Variants in CYFIP1 observed in about 807,000 individuals in gnomAD.
The protein encoded by CYFIP1 is cytoplasmic FMR1-interacting protein 1.
A neutral mutation model predicts 163.5 loss-of-function variants in CYFIP1; 58 were observed. The ratio of observed to expected loss-of-function variants is 0.35; its 90% CI spans 0.29 to 0.44. The LOEUF (loss-of-function observed/expected upper bound fraction) is 0.44, where lower values mean the gene tolerates loss of function less well. Among genes scored for constraint, CYFIP1 ranks in the 20% least tolerant of loss-of-function variants. The pLI is 1.00. For synonymous variants in CYFIP1, 663 were observed against 660.7 expected, an observed-to-expected ratio of 1.00 and a Z score of -0.05; for missense variants, 1,338 against 1,653.8, an observed-to-expected ratio of 0.81 and a Z score of 3.31.
upstream of CYFIP1, among the ~76,000 whole-genome samples, chr15:22,980,840 T>A (rs999909022): frequency 9.9e-5 from 15 of 151,494 alleles, no homozygotes; most frequent in Non-Finnish European, 1.0e-4. Flanking sequence ...CAGCTGCAGG[T>A]CGGCGCGCAG....
chr15:22,957,950 T>C (rs1736839764), intron 1 of CYFIP1, among the ~76,000 whole-genome samples: 2 of 152,232 alleles, frequency 1.3e-5, no homozygotes, highest in African/African-American at 4.8e-5. Flanking sequence ...CGCGCCAGCA[T>C]GGCTGCAGCT....
chr15:22,917,022 A>G lies in CYFIP1; in HGVS notation c.1675-392T>C. ...CAAGGACTCGGCCATGGTGCGCACC[A>G]GGTAGAGCTAGACACGGACAGACAG... On this transcript the variant is annotated intron_variant, in intron 15 of 30. Coordinates refer to ENST00000617928, the MANE Select transcript of CYFIP1 (RefSeq NM_014608.6). This position sits in a 1 kb window ranked among gnomAD's most constrained non-coding sequence, Gnocchi z 4.2. 1 of 1,544,608 alleles carries G rather than the reference A, an allele frequency of 6.5e-7. No individual in the cohort carries two copies. Among genetic ancestry groups the G allele is most frequent in the Non-Finnish European group, 8.7e-7 (1 of 1,143,848 alleles).
rs550706105 is a variant in CYFIP1, at chr15:22,885,608, C to T, written c.2677-2597G>A. 3.6e-4 allele frequency among the ~76,000 whole-genome samples: 55 copies of T among 152,258 alleles called. No homozygotes were observed. In the South Asian group the frequency reaches 1.0e-2, roughly 28 times the overall value. ...ATTAACTGGGCATGGTGGTGGGCAC[C>T]TGTAATCCCAGCTACTTGGGAGGCT... On this transcript the variant is annotated intron_variant, in intron 23 of 30. Transcript: ENST00000617928.
rs1422676661 is a variant in CYFIP1, at chr15:22,868,895, A to ATTC, written c.*1130_*1132dup. On this transcript the variant is annotated 3_prime_UTR_variant, in exon 31 of 31. Coordinates refer to ENST00000617928, the MANE Select transcript of CYFIP1 (RefSeq NM_014608.6). ...TGCTGGACTTGTGTTTATCTGTAGTATTCATCTACAATAAACAGGCATAGC... is the reference window on the plus strand; with the variant it reads ...TGCTGGACTTGTGTTTATCTGTAGTATTCTTCATCTACAATAAACAGGCATAGC... The ATTC allele has an allele frequency of 6.7e-6, 1 of 149,936 alleles. No homozygotes were observed. Among genetic ancestry groups the ATTC allele is most frequent in the Non-Finnish European group, 1.5e-5 (1 of 67,718 alleles). 9.3% of individuals were successfully genotyped at this position (149,936 alleles called of 1,614,324 possible). A position where few individuals can be genotyped will look rare whatever the true frequency, so the allele number is the denominator to read the frequency against.
chr15:22,875,184 G>C lies in CYFIP1; in HGVS notation c.3115+15C>G, dbSNP rs1352072342. On this transcript the variant is annotated intron_variant, in intron 27 of 30. Transcript: ENST00000617928. Reference sequence around the variant, plus strand: ...AGGGCAGTCTGGACTCCCTGGTGGGGGTCAGCAGGCTCACCTTTCACATGG... The same window carrying C: ...AGGGCAGTCTGGACTCCCTGGTGGGCGTCAGCAGGCTCACCTTTCACATGG... 3 of 1,613,308 alleles carry C rather than the reference G, an allele frequency of 1.9e-6. No individual in the cohort carries two copies. The highest frequency in any genetic ancestry group is 2.5e-6 in the Non-Finnish European group (3 of 1,179,506).
rs1270761626 is a variant in CYFIP1 at position 22,867,133 on chromosome 15, T to TAA, written c.*2893_*2894dup. ...AAGCCGAATGCACTAATGACAGTTT[T>TAA]AAGTCTATGAAAATGCTTTATTTTT... On this transcript the variant is annotated 3_prime_UTR_variant, in exon 31 of 31. Transcript: ENST00000617928. 20 of 466,004 alleles carry TAA rather than the reference T, an allele frequency of 4.3e-5. 1 individual carries two copies. Among genetic ancestry groups the TAA allele is most frequent in the Admixed American group, 4.2e-4 (11 of 26,238 alleles). 28.9% of individuals were successfully genotyped at this position (466,004 alleles called of 1,614,324 possible).
Position 22,959,773 on chromosome 15 carries a change from C to A in CYFIP1, c.-6-12482G>T, listed in dbSNP as rs564652102. Among the ~76,000 whole-genome samples the A allele has an allele frequency of 1.3e-4, 20 of 152,256 alleles. No homozygotes were observed. In the South Asian group the frequency reaches 4.1e-3, roughly 32 times the overall value. On this transcript the variant is annotated intron_variant, in intron 1 of 30. Transcript: ENST00000617928. ...CTGAGGAACAGGCGCCACGGGCGAT[C>A]GAGCCCCGTGCTCCCCCTCCCCACC...
At chr15:22,887,624 C>T (rs1346322312) in intron 23 of CYFIP1, among the ~76,000 whole-genome samples, 1 of 152,200 alleles carries the variant, frequency 6.6e-6, no homozygotes, top group Non-Finnish European at 1.5e-5. Context: ...CCTCTGGCCC[C>T]CTGCCCAGTG....
At chr15:22,895,497 C>G (rs901617845) in intron 22 of CYFIP1, among the ~76,000 whole-genome samples, 1 of 152,172 alleles carries the variant, frequency 6.6e-6, no homozygotes, top group Non-Finnish European at 1.5e-5. Context: ...CTTGATTTAT[C>G]AAGTTTAGAT....
chr15:22,970,649 CCAAA>C (rs1179232140), intron 1 of CYFIP1, among the ~76,000 whole-genome samples: 6 of 152,040 alleles, frequency 3.9e-5, no homozygotes, highest in Non-Finnish European at 5.9e-5. Flanking sequence ...ACATATGTGG[CCAAA>C]CAATTTTCAA....
At chr15:22,906,893 C>T (rs1051640839) in intron 21 of CYFIP1, among the ~76,000 whole-genome samples, 5 of 152,118 alleles carry the variant, frequency 3.3e-5, no homozygotes, top group Non-Finnish European at 7.4e-5. Flanking sequence ...CTTACATTTT[C>T]TTTTTTAGTG....
intron 13 of CYFIP1, among the ~76,000 whole-genome samples, chr15:22,925,724 C>T (rs1168797088): frequency 2.6e-5 from 4 of 152,142 alleles, no homozygotes; most frequent in Admixed American, 6.5e-5. Flanking sequence ...CTCCCTTCCC[C>T]GCACCCGACA....
At position 22,867,202 on chromosome 15, in the gene CYFIP1, T is replaced by A; in HGVS notation, c.*2826A>T. The A allele has an allele frequency of 2.4e-6, 1 of 423,282 alleles. No individual in the cohort carries two copies. 26.2% of individuals were successfully genotyped at this position (423,282 alleles called of 1,614,324 possible). A position where few individuals can be genotyped will look rare whatever the true frequency, so the allele number is the denominator to read the frequency against. On this transcript the variant is annotated 3_prime_UTR_variant, in exon 31 of 31. Transcript: ENST00000617928. Reference sequence around the variant, plus strand: ...TGAAATGTGCATTTGTCATCCCCACTCCATCAATCCCTGACCATGTAAGGC... The same window carrying A: ...TGAAATGTGCATTTGTCATCCCCACACCATCAATCCCTGACCATGTAAGGC...
intron 27 of CYFIP1, 122 bp downstream of exon 27, chr15:22,875,077 G>A (rs2059543886): frequency 4.8e-6 from 4 of 829,596 alleles, no homozygotes; most frequent in Non-Finnish European, 8.3e-6. Flanking sequence ...TTACCCCTGG[G>A]TATGACTGAA....
At chr15:22,920,158 G>GTT (rs2061124161) in intron 13 of CYFIP1, among the ~76,000 whole-genome samples, 3 of 112,898 alleles carry the variant, frequency 2.7e-5, no homozygotes, top group African/African-American at 7.1e-5. Context: ...AATTAAGGCA[G>GTT]CTTTTTTTTT....
intron 25 of CYFIP1, among the ~76,000 whole-genome samples, chr15:22,880,374 G>A (rs1037435211): frequency 1.3e-5 from 2 of 152,156 alleles, no homozygotes. Flanking sequence ...GGGCAGACAA[G>A]GTATTTGACA....
chr15:22,972,376 G>A (rs1157470985), intron 1 of CYFIP1, among the ~76,000 whole-genome samples: 1 of 152,204 alleles, frequency 6.6e-6, no homozygotes, highest in Non-Finnish European at 1.5e-5. Flanking sequence ...GGCGGAGGTT[G>A]CAGTGATCCA....
chr15:22,968,293 T>C (rs1200754553), intron 1 of CYFIP1, among the ~76,000 whole-genome samples: 3 of 152,220 alleles, frequency 2.0e-5, no homozygotes, highest in African/African-American at 7.2e-5. Flanking sequence ...AAAGTACTTT[T>C]TAGATGAGAT....
chr15:22,972,150 C>CAG (rs1025654318), intron 1 of CYFIP1, among the ~76,000 whole-genome samples: 9 of 152,096 alleles, frequency 5.9e-5, no homozygotes, highest in African/African-American at 1.9e-4. Flanking sequence ...GAATATACTA[C>CAG]AGAGGCTGGG....
Sources: gnomAD v4.1 joint callset for allele counts (sites outside exome capture counted in the v4.1 genomes callset) on GRCh38, gnomAD v4.1.1 for gene constraint, Gnocchi (gnomAD v3.1) non-coding constraint, MANE v1.5 for transcripts, NCBI Gene and HGNC (gene_info 2026-07-23, HGNC 2026-07-21) for gene names.